The following TRPS1 variants were observed in gnomAD, a reference collection of about 807,000 sequenced individuals.
TRPS1 encodes zinc finger transcription factor Trps1.
In TRPS1, 6 loss-of-function variants were observed where a neutral mutation model predicts 101.2. The observed-to-expected ratio is 0.06, with a 90% CI of 0.03 to 0.12. TRPS1 has a LOEUF of 0.12. TRPS1 is among the 10% of genes least tolerant of loss of function. TRPS1 has a pLI of 1.00. For missense variants in TRPS1, 1,363 were observed against 1,567.0 expected (o/e 0.87, Z 2.20); for synonymous variants, 578 against 589.8 (o/e 0.98, Z 0.29).
intron 5 of TRPS1, among the ~76,000 whole-genome samples, chr8:115,585,880 G>A (rs35075121): frequency 3.3e-4 from 50 of 152,266 alleles, no homozygotes; most frequent in Non-Finnish European, 5.6e-4. Context: ...ATAATTAACT[G>A]TGCACCTCTA....
At position 115,567,615 on chromosome 8, in the gene TRPS1, T is replaced by A. The variant is rs116691655; in HGVS notation, c.2700+19386A>T. Among the ~76,000 whole-genome samples, 834 of 152,246 alleles carry A rather than the reference T, an allele frequency of 5.5e-3. 9 individuals carry two copies. Among genetic ancestry groups the A allele is most frequent in the African/African-American group, 0.019 (797 of 41,532 alleles). ...TTTGCAGTGACTTAAAATTTCTAAA[T>A]AGCTTGATAACATAAAATATTCCAA... On this transcript the variant is annotated intron_variant, in intron 5 of 6. Transcript: ENST00000395715.
chr8:115,418,264 C>G lies in TRPS1; in HGVS notation c.2823+66G>C. Reference sequence around the variant, plus strand: ...CTGCAAGCCAGGGAATGGGACTTATCACACCACAGACCAGGCCAACACTGC... The same window carrying G: ...CTGCAAGCCAGGGAATGGGACTTATGACACCACAGACCAGGCCAACACTGC... On this transcript the variant is annotated intron_variant, in intron 6 of 6. Coordinates refer to ENST00000395715, the MANE Select transcript of TRPS1 (RefSeq NM_014112.5). The surrounding 1 kb of genome is among the most constrained non-coding windows in gnomAD (Gnocchi z 4.3). The G allele has an allele frequency of 6.2e-7, 1 of 1,613,312 alleles. No homozygotes were observed. Among genetic ancestry groups the G allele is most frequent in the Admixed American group, 1.7e-5 (1 of 60,004 alleles).
intron 4 of TRPS1, among the ~76,000 whole-genome samples, chr8:115,594,310 A>G (rs1302248176): frequency 6.6e-6 from 1 of 152,114 alleles, no homozygotes; most frequent in Non-Finnish European, 1.5e-5. Flanking sequence ...TTATCTGAGA[A>G]AAAAAGATGT....
At chr8:115,470,608 T>C (rs1469167069) in intron 5 of TRPS1, among the ~76,000 whole-genome samples, 1 of 152,190 alleles carries the variant, frequency 6.6e-6, no homozygotes, top group Non-Finnish European at 1.5e-5. Flanking sequence ...AGGCTAATCA[T>C]TTAAGGTATT....
chr8:115,442,253 T>C (rs1215513209), intron 5 of TRPS1, among the ~76,000 whole-genome samples: 1 of 152,170 alleles, frequency 6.6e-6, no homozygotes, highest in Non-Finnish European at 1.5e-5. Context: ...AGCCAACTTC[T>C]CTAAGTACAT....
At chr8:115,546,520 T>C (rs1295519503) in intron 5 of TRPS1, among the ~76,000 whole-genome samples, 1 of 150,666 alleles carries the variant, frequency 6.6e-6, no homozygotes, top group Non-Finnish European at 1.5e-5. Context: ...CAAGAAATAA[T>C]ATACATCCAA....
intron 5 of TRPS1, among the ~76,000 whole-genome samples, chr8:115,512,640 T>C (rs1815614414): frequency 1.3e-5 from 2 of 151,262 alleles, no homozygotes; most frequent in African/African-American, 4.8e-5. Flanking sequence ...CCAACTACTA[T>C]ATATATATAT....
intron 5 of TRPS1, among the ~76,000 whole-genome samples, chr8:115,435,457 C>T (rs1813424503): frequency 1.3e-5 from 2 of 152,102 alleles, no homozygotes; most frequent in African/African-American, 4.8e-5. Context: ...CATGCTATCC[C>T]TTTACTGCTG....
intron 3 of TRPS1, among the ~76,000 whole-genome samples, chr8:115,606,335 G>A (rs557125584): frequency 6.6e-6 from 1 of 152,284 alleles, no homozygotes; most frequent in Non-Finnish European, 1.5e-5. Context: ...CTGGCCAATA[G>A]CTTCTTCAAC....
At chr8:115,496,642 G>C (rs1815155888) in intron 5 of TRPS1, among the ~76,000 whole-genome samples, 1 of 152,026 alleles carries the variant, frequency 6.6e-6, no homozygotes, top group South Asian at 2.1e-4. Context: ...CTAATTTACT[G>C]GTTATTTCAA....
intron 3 of TRPS1, among the ~76,000 whole-genome samples, chr8:115,610,912 T>A (rs1818146588): frequency 6.6e-6 from 1 of 151,604 alleles, no homozygotes; most frequent in African/African-American, 2.4e-5. Flanking sequence ...AGATCAGGAG[T>A]TCGAGACCAG....
intron 5 of TRPS1, among the ~76,000 whole-genome samples, chr8:115,559,722 C>G (rs1236346196): frequency 6.6e-6 from 1 of 152,036 alleles, no homozygotes; most frequent in East Asian, 1.9e-4. Flanking sequence ...AATCAAATTT[C>G]CAAAGATTTT....
intron 5 of TRPS1, among the ~76,000 whole-genome samples, chr8:115,535,703 T>C (rs536385861): frequency 6.6e-6 from 1 of 150,694 alleles, no homozygotes; most frequent in Admixed American, 6.6e-5. Context: ...CTACTAAAAA[T>C]ACAAAAAAAA....
chr8:115,609,087 G>T (rs1818104850), intron 3 of TRPS1, among the ~76,000 whole-genome samples: 1 of 152,078 alleles, frequency 6.6e-6, no homozygotes, highest in Non-Finnish European at 1.5e-5. Flanking sequence ...GCTCAAGCTA[G>T]CCACTTGCCT....
chr8:115,524,083 T>A (rs1482649367), intron 5 of TRPS1, among the ~76,000 whole-genome samples: 1 of 152,158 alleles, frequency 6.6e-6, no homozygotes, highest in East Asian at 1.9e-4. Flanking sequence ...CTGAATTTAT[T>A]CAATCATTTC....
intron 5 of TRPS1, among the ~76,000 whole-genome samples, chr8:115,561,671 T>C (rs1816949419): frequency 6.6e-6 from 1 of 151,914 alleles, no homozygotes; most frequent in African/African-American, 2.4e-5. Flanking sequence ...AGTCTAAAGA[T>C]CCATCTATAC....
chr8:115,451,515 G>A (rs972863959), intron 5 of TRPS1, among the ~76,000 whole-genome samples: 7 of 152,070 alleles, frequency 4.6e-5, no homozygotes, highest in Admixed American at 6.6e-5. Flanking sequence ...AACCCCTTTC[G>A]CCAATAAACA....
intron 5 of TRPS1, among the ~76,000 whole-genome samples, chr8:115,567,169 C>T (rs1273748756): frequency 6.6e-6 from 1 of 152,000 alleles, no homozygotes; most frequent in African/African-American, 2.4e-5. Flanking sequence ...TACAGAGAGA[C>T]AGATGAATAA....
At chr8:115,560,193 G>A (rs1436187921) in intron 5 of TRPS1, among the ~76,000 whole-genome samples, 3 of 151,944 alleles carry the variant, frequency 2.0e-5, no homozygotes, top group Admixed American at 2.0e-4. Context: ...GACTACTGTG[G>A]GCATTCAAAA....
Sources: gnomAD v4.1 joint callset for allele counts (sites outside exome capture counted in the v4.1 genomes callset) on GRCh38, gnomAD v4.1.1 for gene constraint, Gnocchi (gnomAD v3.1) non-coding constraint, MANE v1.5 for transcripts, NCBI Gene and HGNC (gene_info 2026-07-23, HGNC 2026-07-21) for gene names.